SLC35E2B: variants seen among roughly 807,000 people sequenced by gnomAD.
SLC35E2B encodes solute carrier family 35 member E2B.
A neutral mutation model predicts 32.4 loss-of-function variants in SLC35E2B; 18 were observed. That is an observed-to-expected ratio of 0.56 (90% CI 0.38 to 0.82). The LOEUF is 0.82. Ranked by LOEUF, SLC35E2B falls within the 40% of genes least tolerant of loss-of-function variation. The pLI, the probability that SLC35E2B is intolerant of heterozygous loss-of-function variation, is 0.00. For missense variants in SLC35E2B, 263 were observed against 469.5 expected (o/e 0.56, Z 4.06); for synonymous variants, 132 against 209.1 (o/e 0.63, Z 3.18).
chr1:1,672,904 G>T (rs1007990222), intron 5 of SLC35E2B: 1 of 153,244 alleles, frequency 6.5e-6, no homozygotes, highest in Non-Finnish European at 1.5e-5. Context: ...TTGCTAAATG[G>T]TATCAAGATT....
At chr1:1,669,991 G>C (rs1486347740) in intron 7 of SLC35E2B, 107 bp downstream of exon 7, 6 of 1,105,062 alleles carry the variant, frequency 5.4e-6, no homozygotes, top group Non-Finnish European at 6.7e-6. Flanking sequence ...GGCCACCCAA[G>C]CCAGACAGGA....
chr1:1,687,027 G>A (rs1231574553), intron 2 of SLC35E2B, among the ~76,000 whole-genome samples: 1 of 152,166 alleles, frequency 6.6e-6, no homozygotes, highest in Non-Finnish European at 1.5e-5. Context: ...CTGCACTCCA[G>A]CCTGGGCCAC....
intron 8 of SLC35E2B, among the ~76,000 whole-genome samples, 188 bp from the exon 9 acceptor site, chr1:1,668,660 T>C (rs1250982486): frequency 1.3e-5 from 2 of 152,234 alleles, no homozygotes; most frequent in East Asian, 3.8e-4. Flanking sequence ...TTTTGTTTGT[T>C]TGTTTTTATT....
intron 2 of SLC35E2B, among the ~76,000 whole-genome samples, chr1:1,681,885 T>C (rs961118467): frequency 2.0e-5 from 3 of 150,318 alleles, no homozygotes; most frequent in African/African-American, 7.3e-5. Context: ...CTCAGGAGGC[T>C]GAGGCAGGAG....
In SLC35E2B at chr1:1,682,106, C is replaced by T. The variant is rs1005759270; in HGVS notation, c.-147-5260G>A. On this transcript the variant is annotated intron_variant, in intron 2 of 9. Coordinates refer to ENST00000617444, the MANE Select transcript of SLC35E2B (RefSeq NM_001290264.2). Reference sequence around the variant, plus strand: ...ATCTCCTGACCTCATGTGATTCGCCCGCCTTGGCCTCCCATAGAACTGGGA... The same window carrying T: ...ATCTCCTGACCTCATGTGATTCGCCTGCCTTGGCCTCCCATAGAACTGGGA... Among the ~76,000 whole-genome samples the T allele has an allele frequency of 2.0e-5, 3 of 149,222 alleles. No homozygotes were observed. In the Admixed American group the frequency reaches 2.0e-4, roughly 10 times the overall value.
intron 5 of SLC35E2B, among the ~76,000 whole-genome samples, chr1:1,674,632 AC>A (rs1473445039): frequency 1.1e-3 from 135 of 128,400 alleles, no homozygotes; most frequent in African/African-American, 3.4e-3. Flanking sequence ...CATAAAAAAA[AC>A]AAAAAAAAAA....
rs1366163494 is a variant in SLC35E2B at position 1,663,451 on chromosome 1, C to T, written c.*2331G>A. On this transcript the variant is annotated 3_prime_UTR_variant, in exon 10 of 10. Coordinates refer to ENST00000617444, the MANE Select transcript of SLC35E2B (RefSeq NM_001290264.2). ...CTGTCCTCACAAATCAACAACTCCC[C>T]GCCACCTCCAGGGCATTTTCTAATA... 8.4e-6 allele frequency: 8 copies of T among 947,324 alleles called. 2 individuals are homozygous for T. The highest frequency in any genetic ancestry group is 4.8e-5 in the South Asian group (1 of 20,788). The allele number at this position is 947,324 out of a possible 1,614,324, so 58.7% of individuals were successfully genotyped here. A position where few individuals can be genotyped will look rare whatever the true frequency, so the allele number is the denominator to read the frequency against.
chr1:1,688,275 T>C (rs1041577694), intron 2 of SLC35E2B, among the ~76,000 whole-genome samples: 4 of 152,036 alleles, frequency 2.6e-5, no homozygotes, highest in African/African-American at 7.3e-5. Context: ...ATCATCACAA[T>C]CACGACGAGT....
chr1:1,683,129 GCA>G (rs1428183753), intron 2 of SLC35E2B, among the ~76,000 whole-genome samples: 3 of 152,080 alleles, frequency 2.0e-5, no homozygotes, highest in African/African-American at 4.8e-5. Flanking sequence ...TGTGAGGAAT[GCA>G]CAGTTTCTCT....
rs191116966 is a variant in SLC35E2B, at chr1:1,671,324, G to C, written c.707+185C>G. 5.2e-6 allele frequency: 3 copies of C among 572,590 alleles called. No individual in the cohort carries two copies. In the African/African-American group the frequency reaches 5.8e-5, roughly 11 times the overall value. The allele number at this position is 572,590 out of a possible 1,614,324, so 35.5% of individuals were successfully genotyped here. On this transcript the variant is annotated intron_variant, in intron 6 of 9. Transcript: ENST00000617444. ...CCAAGACCGTCCATCCTGAAATTTC[G>C]GCTTATTTTTGAGAAACTTACCTGC...
intron 2 of SLC35E2B, among the ~76,000 whole-genome samples, chr1:1,681,947 T>G (rs1643902835): frequency 8.3e-6 from 1 of 120,808 alleles, no homozygotes; most frequent in Non-Finnish European, 1.6e-5. Context: ...ATCGCGCCAC[T>G]GCACTCACTC....
At chr1:1,684,325 TGAGA>T (rs1238919707) in intron 2 of SLC35E2B, among the ~76,000 whole-genome samples, 3 of 152,076 alleles carry the variant, frequency 2.0e-5, no homozygotes. Flanking sequence ...CCACCGGAAG[TGAGA>T]GAGAGGACGG....
At position 1,669,644 on chromosome 1, in the gene SLC35E2B, C is replaced by A; in HGVS notation, c.834+20G>T. The A allele has an allele frequency of 6.6e-7, 1 of 1,514,552 alleles. No individual in the cohort carries two copies. Among genetic ancestry groups the A allele is most frequent in the Non-Finnish European group, 8.9e-7 (1 of 1,119,842 alleles). The allele number at this position is 1,514,552 out of a possible 1,614,324, so 93.8% of individuals were successfully genotyped here. Reference sequence around the variant, plus strand: ...GGCAGCCCGGCAAGTAAGGACGGGACGCCTGTGTCTGAAACCCACCGTAAA... The same window carrying A: ...GGCAGCCCGGCAAGTAAGGACGGGAAGCCTGTGTCTGAAACCCACCGTAAA... On this transcript the variant is annotated intron_variant, in intron 8 of 9. Coordinates refer to ENST00000617444, the MANE Select transcript of SLC35E2B (RefSeq NM_001290264.2).
In SLC35E2B at chr1:1,673,594, C is replaced by T. The variant is rs186485779; in HGVS notation, c.586+1869G>A. ...CCGAAGCAGGAGAATCACTTGAACC[C>T]GGGAGGCAGAGGCTGCAGTGAGCCA... On this transcript the variant is annotated intron_variant, in intron 5 of 9. Transcript: ENST00000617444. Among the ~76,000 whole-genome samples, 1,166 of 152,128 alleles carry T rather than the reference C, an allele frequency of 7.7e-3. 49 individuals carry two copies. The highest frequency in any genetic ancestry group is 0.071 in the Admixed American group (1,080 of 15,270).
At chr1:1,669,302 T>C (rs746897575) in intron 8 of SLC35E2B, among the ~76,000 whole-genome samples, 13 of 151,686 alleles carry the variant, frequency 8.6e-5, no homozygotes, top group Non-Finnish European at 1.6e-4. Context: ...GACTTTGCAG[T>C]GAGCAGAGAT....
At chr1:1,673,361 A>G (rs1240121316) in intron 5 of SLC35E2B, 7 of 458,128 alleles carry the variant, frequency 1.5e-5, no homozygotes, top group Non-Finnish European at 3.1e-5. Context: ...GGGAAACTGA[A>G]GTTGGTGGTG....
At chr1:1,688,730 G>A (rs1333633488) in intron 2 of SLC35E2B, among the ~76,000 whole-genome samples, 1 of 152,048 alleles carries the variant, frequency 6.6e-6, no homozygotes, top group Admixed American at 6.6e-5. Context: ...AGAAAGCTAT[G>A]CACGCACGAT....
At chr1:1,677,495 T>C (rs1444392524) in intron 2 of SLC35E2B, among the ~76,000 whole-genome samples, 1 of 149,216 alleles carries the variant, frequency 6.7e-6, no homozygotes, top group East Asian at 2.0e-4. Context: ...TTTTTTTTTT[T>C]GAGACGGAGT....
intron 2 of SLC35E2B, among the ~76,000 whole-genome samples, chr1:1,685,726 T>C (rs1472554938): frequency 6.6e-6 from 1 of 152,122 alleles, no homozygotes; most frequent in Admixed American, 6.6e-5. Context: ...CTCGGGTGCA[T>C]GGACGCTGGA....
Sources: allele counts gnomAD v4.1 joint callset (sites outside exome capture counted in the v4.1 genomes callset), GRCh38; gene constraint gnomAD v4.1.1; transcripts MANE v1.5; gene names NCBI Gene and HGNC (gene_info 2026-07-23, HGNC 2026-07-21).